The following GALNT7 variants were observed in gnomAD, a reference collection of about 807,000 sequenced individuals.
GALNT7 encodes N-acetylgalactosaminyltransferase 7.
A neutral mutation model predicts 82.1 loss-of-function variants in GALNT7; 60 were observed. That is an observed-to-expected ratio of 0.73 (90% CI 0.59 to 0.91). The LOEUF is 0.91. Among genes scored for constraint, GALNT7 ranks in the 40% least tolerant of loss-of-function variants. The pLI, the probability that GALNT7 is intolerant of heterozygous loss-of-function variation, is 0.00. For missense variants in GALNT7, 660 were observed against 804.2 expected, an observed-to-expected ratio of 0.82 and a Z score of 2.17; for synonymous variants, 243 against 275.1, an observed-to-expected ratio of 0.88 and a Z score of 1.15.
chr4:173,221,845 A>G (rs1733653804), intron 1 of GALNT7, among the ~76,000 whole-genome samples: 1 of 152,204 alleles, frequency 6.6e-6, no homozygotes, highest in African/African-American at 2.4e-5. Context: ...CTTCAATGGG[A>G]TATATAATTC....
Position 173,313,964 on chromosome 4 carries a change from G to T in GALNT7, c.1396G>T (p.Val466Phe). ...VGSSPTLKNY[V>F]RVVEVWWDEY... ...ATATATTTTTTTTTTACAGAATTAT[G>T]TTAGAGTTGTGGAGGTTTGGTGGGA... is the stretch of plus-strand genomic sequence containing the variant. The change falls in exon 9 of 12, where the codon GTT becomes TTT. Residue 466 changes from valine (V) to phenylalanine (F), a missense_variant. By Grantham distance (50) the Val-to-Phe change is conservative. Transcript: ENST00000265000. The T allele has an allele frequency of 6.8e-7, 1 of 1,474,632 alleles. No homozygotes were observed. Among genetic ancestry groups the T allele is most frequent in the Non-Finnish European group, 9.5e-7 (1 of 1,057,906 alleles). 91.3% of individuals were successfully genotyped at this position (1,474,632 alleles called of 1,614,324 possible).
chr4:173,212,628 C>CTT lies in GALNT7; in HGVS notation c.127-35340_127-35339dup, dbSNP rs11414071. Among the ~76,000 whole-genome samples, 40 of 147,654 alleles carry CTT rather than the reference C, an allele frequency of 2.7e-4. No individual in the cohort carries two copies. The Middle Eastern group carries it at 0.011, about 39-fold the overall frequency. Reference sequence around the variant, plus strand: ...CTGTCTTCTGACTCACTTCAGTTGGCTTTTTTTTTTTTTATCAGCTATGAT... The same window carrying CTT: ...CTGTCTTCTGACTCACTTCAGTTGGCTTTTTTTTTTTTTTTATCAGCTATGAT... On this transcript the variant is annotated intron_variant, in intron 1 of 11. Coordinates refer to ENST00000265000, the MANE Select transcript of GALNT7 (RefSeq NM_017423.3).
chr4:173,235,789 C>T (rs1182197733), intron 1 of GALNT7, among the ~76,000 whole-genome samples: 3 of 151,974 alleles, frequency 2.0e-5, no homozygotes, highest in African/African-American at 7.3e-5. Flanking sequence ...CTCCTGACCT[C>T]GTGATCTGTC....
rs1303546821 is a variant in GALNT7 at position 173,292,354 on chromosome 4, T to C, written c.754+80T>C. ...TGCAAAAAGGTGATTTCAAAATAAT[T>C]AGCTTTAAAAAATTAATAGCATCTA... On this transcript the variant is annotated intron_variant, in intron 3 of 11. Transcript: ENST00000265000. This position sits in a 1 kb window ranked among gnomAD's most constrained non-coding sequence, Gnocchi z 4.8. The C allele has an allele frequency of 2.3e-6, 2 of 875,542 alleles. No individual in the cohort carries two copies. The highest frequency in any genetic ancestry group is 5.4e-5 in the Admixed American group (2 of 36,830). 54.2% of individuals were successfully genotyped at this position (875,542 alleles called of 1,614,324 possible). A position where few individuals can be genotyped will look rare whatever the true frequency, so the allele number is the denominator to read the frequency against.
At chr4:173,232,291 C>A (rs1039060232) in intron 1 of GALNT7, among the ~76,000 whole-genome samples, 1 of 151,836 alleles carries the variant, frequency 6.6e-6, no homozygotes, top group Non-Finnish European at 1.5e-5. Context: ...AAATCCCTGA[C>A]ATATACTAGA....
At chr4:173,184,057 C>T (rs572392810) in intron 1 of GALNT7, among the ~76,000 whole-genome samples, 13 of 151,902 alleles carry the variant, frequency 8.6e-5, no homozygotes, top group South Asian at 4.2e-4. Context: ...CGGGCAGAGA[C>T]GCTCCTCACT....
intron 1 of GALNT7, among the ~76,000 whole-genome samples, chr4:173,228,974 A>G (rs1010064281): frequency 1.3e-5 from 2 of 152,212 alleles, no homozygotes; most frequent in Non-Finnish European, 2.9e-5. Flanking sequence ...GGCAGTGGAA[A>G]GGGTGGCCAA....
intron 1 of GALNT7, among the ~76,000 whole-genome samples, chr4:173,184,173 C>T (rs1404059787): frequency 1.3e-5 from 2 of 151,902 alleles, no homozygotes; most frequent in Admixed American, 6.6e-5. Flanking sequence ...CAGGCAGAGA[C>T]GCTCCTCACT....
At chr4:173,183,670 C>A (rs963375691) in intron 1 of GALNT7, among the ~76,000 whole-genome samples, 1 of 152,172 alleles carries the variant, frequency 6.6e-6, no homozygotes, top group Non-Finnish European at 1.5e-5. Flanking sequence ...GTTGGGTACA[C>A]CTCCCAGACG....
chr4:173,211,008 T>A (rs1733266355), intron 1 of GALNT7, among the ~76,000 whole-genome samples: 1 of 152,184 alleles, frequency 6.6e-6, no homozygotes, highest in Admixed American at 6.5e-5. Context: ...TAATCAATCT[T>A]AAAAAATATT....
intron 5 of GALNT7, 42 bp from the exon 6 acceptor site, chr4:173,298,073 A>G (rs757241091): frequency 1.2e-6 from 2 of 1,604,016 alleles, no homozygotes; most frequent in Non-Finnish European, 1.7e-6. Flanking sequence ...GGGTCCATAC[A>G]TACGCTTCCA....
At chr4:173,215,374 G>C (rs1733409610) in intron 1 of GALNT7, among the ~76,000 whole-genome samples, 1 of 152,004 alleles carries the variant, frequency 6.6e-6, no homozygotes, top group South Asian at 2.1e-4. Flanking sequence ...GTGATTACAG[G>C]CGTGTGCCAC....
At chr4:173,306,622 G>A (rs1329890042) in intron 8 of GALNT7, among the ~76,000 whole-genome samples, 2 of 152,082 alleles carry the variant, frequency 1.3e-5, no homozygotes, top group African/African-American at 4.8e-5. Flanking sequence ...TATGGTTTTT[G>A]TCCTTCATTC....
chr4:173,227,522 G>A lies in GALNT7; in HGVS notation c.127-20458G>A, dbSNP rs540780817. 3.3e-5 allele frequency among the ~76,000 whole-genome samples: 5 copies of A among 152,096 alleles called. No homozygotes were observed. The South Asian group carries it at 8.3e-4, about 25-fold the overall frequency. ...AATTTTTTTTATTTTTAGTAGAGAC[G>A]GGGTTTCACCGTGTTAGCCAAGATG... On this transcript the variant is annotated intron_variant, in intron 1 of 11. Coordinates refer to ENST00000265000, the MANE Select transcript of GALNT7 (RefSeq NM_017423.3).
intron 2 of GALNT7, among the ~76,000 whole-genome samples, chr4:173,250,179 C>G (rs1734797318): frequency 6.6e-6 from 1 of 152,024 alleles, no homozygotes; most frequent in Admixed American, 6.6e-5. Flanking sequence ...GTGTGAAAGC[C>G]CCTTTGTCTC....
At chr4:173,314,943 A>G (rs748866248) in intron 9 of GALNT7, among the ~76,000 whole-genome samples, 2 of 152,254 alleles carry the variant, frequency 1.3e-5, no homozygotes, top group Non-Finnish European at 2.9e-5. Flanking sequence ...ACAGAAAACC[A>G]GAGAAGCAAA....
At chr4:173,264,031 T>C (rs1735381753) in intron 2 of GALNT7, among the ~76,000 whole-genome samples, 2 of 152,152 alleles carry the variant, frequency 1.3e-5, no homozygotes, top group Admixed American at 6.6e-5. Flanking sequence ...TAAGTAGTGA[T>C]ATACATAGAC....
intron 6 of GALNT7, among the ~76,000 whole-genome samples, chr4:173,301,115 A>G (rs1413576621): frequency 6.6e-6 from 1 of 152,072 alleles, no homozygotes; most frequent in Admixed American, 6.5e-5. Context: ...AGGCTGGGCC[A>G]TAGAGTGAGA....
chr4:173,274,190 AT>A (rs1277270645), intron 2 of GALNT7, among the ~76,000 whole-genome samples: 1 of 152,112 alleles, frequency 6.6e-6, no homozygotes, highest in African/African-American at 2.4e-5. Context: ...GTGGTTTGAG[AT>A]TTCAAATCAT....
Sources: gnomAD v4.1 joint callset for allele counts (sites outside exome capture counted in the v4.1 genomes callset) on GRCh38, gnomAD v4.1.1 for gene constraint, Gnocchi (gnomAD v3.1) non-coding constraint, MANE v1.5 for transcripts, NCBI Gene and HGNC (gene_info 2026-07-23, HGNC 2026-07-21) for gene names.